The following AFG3L2 variants were observed in gnomAD, a reference collection of about 807,000 sequenced individuals.
AFG3L2 encodes the protein AFG3 like matrix AAA peptidase subunit 2.
AFG3L2 carries 54 observed loss-of-function variants against 94.5 expected under a neutral mutation model. The observed-to-expected ratio is 0.57, with a 90% CI of 0.46 to 0.72. The LOEUF (loss-of-function observed/expected upper bound fraction) is 0.72, where lower values mean the gene tolerates loss of function less well. AFG3L2 is among the 30% of genes least tolerant of loss of function. The probability of loss-of-function intolerance (pLI) is 0.00; values close to 1 mark genes in which losing one functional copy is unlikely to be tolerated. For missense variants in AFG3L2, 754 were observed against 994.9 expected (o/e 0.76, Z 3.26); for synonymous variants, 377 against 365.5 (o/e 1.03, Z -0.36).
At chr18:12,352,729 G>A (rs1170480103) in intron 10 of AFG3L2, among the ~76,000 whole-genome samples, 1 of 152,018 alleles carries the variant, frequency 6.6e-6, no homozygotes, top group Non-Finnish European at 1.5e-5. Flanking sequence ...AGTATAAAAG[G>A]GCCTTTTAAA....
chr18:12,374,729 A>C (rs1475606421), intron 1 of AFG3L2, among the ~76,000 whole-genome samples: 1 of 152,188 alleles, frequency 6.6e-6, no homozygotes, highest in Non-Finnish European at 1.5e-5. Flanking sequence ...CCCCACCTGG[A>C]ACTGTATGTC....
At position 12,351,341 on chromosome 18, in the gene AFG3L2, A is replaced by G. The variant is rs758755204; in HGVS notation, c.1391T>C (p.Leu464Pro). ...CTGCCTGTCGAAACGCCCCGGCCTAAGCAGCGCGGGGTCCAGGATATCTGG... is the reference window on the plus strand; with the variant it reads ...CTGCCTGTCGAAACGCCCCGGCCTAGGCAGCGCGGGGTCCAGGATATCTGG... ...NRPDILDPALLRPGRFDRQIF... is the reference protein window; with the variant it reads ...NRPDILDPALPRPGRFDRQIF... The change falls in exon 11 of 17, where the codon CTT becomes CCT. Residue 464 changes from leucine to proline, a missense_variant. Leu to Pro is a moderately conservative substitution (Grantham distance 98). This residue lies in a region of AFG3L2 where 109 missense variants were observed against 227.1 expected (regional missense o/e 0.48). Transcript: ENST00000269143. 6.2e-7 allele frequency: 1 copy of G among 1,614,192 alleles called. No homozygotes were observed. Among genetic ancestry groups the G allele is most frequent in the Admixed American group, 1.7e-5 (1 of 60,014 alleles).
rs978801324 is a variant in AFG3L2, at chr18:12,376,984, C to A, written c.99G>T (p.Gln33His). Residue 33 changes from glutamine (Q) to histidine (H), a missense_variant, in exon 1 of 17, where the codon CAG becomes CAT. Physicochemically the swap from Gln to His is conservative, Grantham distance 24. Coordinates refer to ENST00000269143, the MANE Select transcript of AFG3L2 (RefSeq NM_006796.3). Reference protein sequence around the residue: ...LVPGGVGPGEQPCLRTLYRFV... With the variant: ...LVPGGVGPGEHPCLRTLYRFV... ...TAGGACTCACCGTCCGGAGGCAGGG[C>A]TGCTCGCCCGGGCCCACGCCGCCAG... 46 of 1,460,948 alleles carry A rather than the reference C, an allele frequency of 3.1e-5. No homozygotes were observed. In the African/African-American group the frequency reaches 6.3e-4, roughly 20 times the overall value. 90.5% of individuals were successfully genotyped at this position (1,460,948 alleles called of 1,614,324 possible). A position where few individuals can be genotyped will look rare whatever the true frequency, so the allele number is the denominator to read the frequency against.
intron 12 of AFG3L2, among the ~76,000 whole-genome samples, chr18:12,349,039 AT>A (rs1260221624): frequency 6.6e-6 from 1 of 152,242 alleles, no homozygotes; most frequent in African/African-American, 2.4e-5. Context: ...ACTATTGTAT[AT>A]AATCTTTTCA....
intron 2 of AFG3L2, among the ~76,000 whole-genome samples, chr18:12,371,178 G>T (rs547264376): frequency 1.3e-5 from 2 of 152,216 alleles, no homozygotes; most frequent in East Asian, 3.9e-4. Flanking sequence ...GCTGGGTGTG[G>T]TGGCAGGTGC....
intron 13 of AFG3L2, among the ~76,000 whole-genome samples, chr18:12,344,901 A>C (rs1185231744): frequency 2.0e-5 from 3 of 152,222 alleles, no homozygotes; most frequent in African/African-American, 7.2e-5. Flanking sequence ...TTCAGCATTA[A>C]GGTCATTTTA....
intron 6 of AFG3L2, 29 bp from the exon 7 acceptor site, chr18:12,360,080 A>G: frequency 5.6e-6 from 9 of 1,610,614 alleles, no homozygotes; most frequent in Non-Finnish European, 7.6e-6. Context: ...AAATATCCTA[A>G]GAATGTAGTG....
At chr18:12,342,780 T>C (rs1430592321) in intron 14 of AFG3L2, 1 of 152,174 alleles carries the variant, frequency 6.6e-6, no homozygotes, top group African/African-American at 2.4e-5. Context: ...ATAAGACAAT[T>C]CCTCCCCCTT....
chr18:12,365,017 T>C (rs1199211867), intron 5 of AFG3L2, among the ~76,000 whole-genome samples: 1 of 152,172 alleles, frequency 6.6e-6, no homozygotes, highest in South Asian at 2.1e-4. Flanking sequence ...TCCCAAGGAC[T>C]GTAACTGGTT....
chr18:12,352,473 A>G (rs776918232), intron 10 of AFG3L2, among the ~76,000 whole-genome samples: 22 of 152,236 alleles, frequency 1.4e-4, no homozygotes, highest in Non-Finnish European at 2.1e-4. Context: ...AAAGCTGGCT[A>G]GCATGGAAAG....
intron 12 of AFG3L2, among the ~76,000 whole-genome samples, chr18:12,349,327 C>T (rs993564881): frequency 6.6e-6 from 1 of 152,154 alleles, no homozygotes; most frequent in East Asian, 1.9e-4. Flanking sequence ...TGTAAAATGG[C>T]ACAGGTAATT....
At chr18:12,353,228 A>G in intron 9 of AFG3L2, 70 bp from the exon 10 acceptor site, 1 of 1,588,516 alleles carries the variant, frequency 6.3e-7, no homozygotes, top group Non-Finnish European at 8.6e-7. Flanking sequence ...GAAATGAAAT[A>G]AATCGGCCGG....
rs902867141 is a variant in AFG3L2 at position 12,375,508 on chromosome 18, T to C, written c.114+1461A>G. On this transcript the variant is annotated intron_variant, in intron 1 of 16. Coordinates refer to ENST00000269143, the MANE Select transcript of AFG3L2 (RefSeq NM_006796.3). Reference sequence around the variant, plus strand: ...GGAGGAGGCGGGAGGATCGCCTGGGTCCTGGAGTTCCAGGCCAGCCTGGGC... The same window carrying C: ...GGAGGAGGCGGGAGGATCGCCTGGGCCCTGGAGTTCCAGGCCAGCCTGGGC... Among the ~76,000 whole-genome samples, 10 of 151,284 alleles carry C rather than the reference T, an allele frequency of 6.6e-5. 1 individual carries two copies. Among genetic ancestry groups the C allele is most frequent in the Non-Finnish European group, 1.0e-4 (7 of 67,902 alleles).
intron 10 of AFG3L2, among the ~76,000 whole-genome samples, chr18:12,352,599 C>G (rs1908351960): frequency 6.6e-6 from 1 of 152,166 alleles, no homozygotes; most frequent in Non-Finnish European, 1.5e-5. Context: ...GATGGTAATT[C>G]TTTTGTGACT....
intron 1 of AFG3L2, among the ~76,000 whole-genome samples, chr18:12,376,248 C>A (rs1909152241): frequency 6.6e-6 from 1 of 152,232 alleles, no homozygotes; most frequent in Non-Finnish European, 1.5e-5. Context: ...CAGTGCAAGG[C>A]TGAGGAACCG....
intron 4 of AFG3L2, 38 bp downstream of exon 4, chr18:12,367,238 T>C (rs1435755460): frequency 3.7e-6 from 6 of 1,613,658 alleles, no homozygotes; most frequent in Non-Finnish European, 5.1e-6. Flanking sequence ...TGGGCCACCA[T>C]CATAACCTCA....
intron 16 of AFG3L2, among the ~76,000 whole-genome samples, chr18:12,332,997 TTA>T (rs377201173): frequency 1.4e-4 from 8 of 55,838 alleles, no homozygotes; most frequent in South Asian, 5.9e-4. Context: ...ATTATATAAA[TTA>T]TATATAATAT....
chr18:12,353,233 G>A (rs996358923), intron 9 of AFG3L2, 75 bp from the exon 10 acceptor site: 25 of 1,572,792 alleles, frequency 1.6e-5, no homozygotes, highest in African/African-American at 4.1e-5. Flanking sequence ...GAAATAAATC[G>A]GCCGGGCACA....
rs1326555175 is a variant in AFG3L2, at chr18:12,360,375, C to G, written c.628-324G>C. The G allele has an allele frequency of 1.3e-5, 4 of 311,618 alleles. No individual in the cohort carries two copies. The East Asian group carries it at 2.6e-4, about 20-fold the overall frequency. The allele number at this position is 311,618 out of a possible 1,614,324, so 19.3% of individuals were successfully genotyped here. On this transcript the variant is annotated intron_variant, in intron 6 of 16. Transcript: ENST00000269143. Reference sequence around the variant, plus strand: ...AAATATGCATTATTTCCCTCTTCCTCTATTTCCTAGGTATTTTAGCTCCCT... The same window carrying G: ...AAATATGCATTATTTCCCTCTTCCTGTATTTCCTAGGTATTTTAGCTCCCT...
Sources: allele counts gnomAD v4.1 joint callset (sites outside exome capture counted in the v4.1 genomes callset), GRCh38; gene constraint gnomAD v4.1.1; regional missense constraint gnomAD v4.1.1; transcripts MANE v1.5; gene names NCBI Gene and HGNC (gene_info 2026-07-23, HGNC 2026-07-21).